Variants in MYO10 observed in about 807,000 individuals in gnomAD.
MYO10 encodes myosin X.
A neutral mutation model predicts 257.3 loss-of-function variants in MYO10; 133 were observed. The ratio of observed to expected loss-of-function variants is 0.52; its 90% CI spans 0.45 to 0.60. MYO10 has a LOEUF of 0.60. Among genes scored for constraint, MYO10 ranks in the 20% least tolerant of loss-of-function variants. MYO10 has a pLI of 0.00. For synonymous variants in MYO10, 1,104 were observed against 1,028.6 expected, an observed-to-expected ratio of 1.07 and a Z score of -1.40; for missense variants, 2,399 against 2,635.7, an observed-to-expected ratio of 0.91 and a Z score of 1.97.
At chr5:16,794,902 C>T in intron 3 of MYO10, 69 bp from the exon 4 acceptor site, 1 of 1,246,604 alleles carries the variant, frequency 8.0e-7, no homozygotes, top group Admixed American at 3.9e-5. Flanking sequence ...TCCAACAAAA[C>T]CCACCGAGTG....
intron 3 of MYO10, among the ~76,000 whole-genome samples, chr5:16,803,903 G>C (rs750532307): frequency 1.3e-5 from 2 of 152,150 alleles, no homozygotes; most frequent in African/African-American, 4.8e-5. Flanking sequence ...CAAAAGGATT[G>C]TTTACACATT....
chr5:16,695,655 T>G (rs527993427), intron 26 of MYO10, among the ~76,000 whole-genome samples: 2 of 150,630 alleles, frequency 1.3e-5, no homozygotes, highest in East Asian at 3.9e-4. Context: ...TATTCCAGAT[T>G]CCCCAACCTG....
chr5:16,890,673 C>G (rs576916985), intron 1 of MYO10, among the ~76,000 whole-genome samples: 1 of 151,450 alleles, frequency 6.6e-6, no homozygotes, highest in African/African-American at 2.4e-5. Flanking sequence ...AACCCTATCT[C>G]CACTAAAAAT....
chr5:16,770,478 T>C (rs1741013829), intron 9 of MYO10, among the ~76,000 whole-genome samples: 1 of 152,070 alleles, frequency 6.6e-6, no homozygotes, highest in Admixed American at 6.6e-5. Context: ...AAGCCAGGTG[T>C]TTTCTGAATC....
chr5:16,877,769 T>C (rs1744648342), intron 1 of MYO10, 62 bp from the exon 2 acceptor site: 2 of 1,289,904 alleles, frequency 1.6e-6, no homozygotes, highest in African/African-American at 1.5e-5. Flanking sequence ...GAAACTGTAC[T>C]GTCGAAATTA....
intron 35 of MYO10, 139 bp downstream of exon 35, chr5:16,674,714 A>C: frequency 3.1e-6 from 3 of 958,060 alleles, no homozygotes; most frequent in Non-Finnish European, 4.7e-6. Flanking sequence ...TGCTCAGGCA[A>C]CCCACAAGTC....
intron 5 of MYO10, 88 bp from the exon 6 acceptor site, chr5:16,781,917 A>G (rs2126669845): frequency 6.8e-7 from 1 of 1,473,456 alleles, no homozygotes; most frequent in Non-Finnish European, 9.2e-7. Flanking sequence ...CAAAATATAC[A>G]ACTGCAAGAA....
chr5:16,692,170 C>T (rs2126525660), intron 27 of MYO10, among the ~76,000 whole-genome samples: 1 of 152,304 alleles, frequency 6.6e-6, no homozygotes, highest in South Asian at 2.1e-4. Flanking sequence ...CCTGTAATCC[C>T]AGCACTTTGG....
intron 4 of MYO10, among the ~76,000 whole-genome samples, chr5:16,792,377 T>A (rs545204095): frequency 6.6e-6 from 1 of 152,306 alleles, no homozygotes; most frequent in East Asian, 1.9e-4. Context: ...GGGGTTTCAA[T>A]GTGCCGATGC....
At chr5:16,846,087 G>A (rs1743628194) in intron 2 of MYO10, among the ~76,000 whole-genome samples, 1 of 152,154 alleles carries the variant, frequency 6.6e-6, no homozygotes, top group Non-Finnish European at 1.5e-5. Flanking sequence ...AAAGTTCTGG[G>A]AGCCACAGAA....
Position 16,746,483 on chromosome 5 carries a change from C to G in MYO10, c.1929+8345G>C, listed in dbSNP as rs191413410. Reference sequence around the variant, plus strand: ...CTGACACTACCACCCAAGCAGCCACCATGCTGCGACCAGTGCCTGGATGTG... The same window carrying G: ...CTGACACTACCACCCAAGCAGCCACGATGCTGCGACCAGTGCCTGGATGTG... On this transcript the variant is annotated intron_variant, in intron 19 of 40. Transcript: ENST00000513610. Among the ~76,000 whole-genome samples the G allele has an allele frequency of 1.9e-3, 286 of 152,314 alleles. 1 individual carries two copies. Among genetic ancestry groups the G allele is most frequent in the Admixed American group, 7.1e-3 (109 of 15,298 alleles).
chr5:16,796,279 GA>G (rs1741949842), intron 3 of MYO10, among the ~76,000 whole-genome samples: 2 of 139,206 alleles, frequency 1.4e-5, no homozygotes, highest in Non-Finnish European at 3.1e-5. Context: ...AAGAAGGAAA[GA>G]AAGAAAGAAG....
At position 16,681,373 on chromosome 5, in the gene MYO10, C is replaced by G; in HGVS notation, c.4320G>C (p.Gly1440=). ...AGCAGAGGCTGTTGAGGACCAGGGT[C>G]CCCAGTTTGAGCGCGTTCTTCTCTG... The part of the protein sequence containing the change: ...KSSEKNALKL[G]TLVLNSLCSV... The change falls in exon 32 of 41, where the codon GGG becomes GGC. Residue 1440 remains glycine, a synonymous_variant. Coordinates refer to ENST00000513610, the MANE Select transcript of MYO10 (RefSeq NM_012334.3). The G allele has an allele frequency of 6.2e-7, 1 of 1,613,948 alleles. No individual in the cohort carries two copies. Among genetic ancestry groups the G allele is most frequent in the South Asian group, 1.1e-5 (1 of 91,072 alleles).
intron 9 of MYO10, among the ~76,000 whole-genome samples, chr5:16,778,688 G>GTTTTTTTTTTTTT (rs55880979): frequency 1.9e-5 from 2 of 107,534 alleles, no homozygotes; most frequent in African/African-American, 7.3e-5. Flanking sequence ...CTTTGCTGAG[G>GTTTTTTTTTTTTT]TTTTTTTTTT....
chr5:16,803,395 TC>T (rs1168251196), intron 3 of MYO10, among the ~76,000 whole-genome samples: 2 of 152,000 alleles, frequency 1.3e-5, no homozygotes, highest in African/African-American at 2.4e-5. Flanking sequence ...GCCACCGCAC[TC>T]CAGCCTGACA....
At chr5:16,762,421 G>T in intron 15 of MYO10, 124 bp downstream of exon 15, 2 of 812,298 alleles carry the variant, frequency 2.5e-6, no homozygotes, top group Non-Finnish European at 3.8e-6. Flanking sequence ...AACAGCTTTG[G>T]TTTGAGAATA....
In MYO10 at chr5:16,671,452, G is replaced by A. The variant is rs758132758; in HGVS notation, c.5400C>T (p.Asp1800=). 3.7e-6 allele frequency: 6 copies of A among 1,614,004 alleles called. No homozygotes were observed. In the South Asian group the frequency reaches 6.6e-5, roughly 18 times the overall value. The change falls in exon 38 of 41, where the codon GAC becomes GAT. Residue 1800 remains aspartate, a synonymous_variant. Transcript: ENST00000513610. ...CFLDTDNVPK[D]SVEFAFMFEQ... ...CAAACATAAATGCAAACTCCACACTGTCTTTTGGCACGTTGTCTGTGTCCA... is the reference window on the plus strand; with the variant it reads ...CAAACATAAATGCAAACTCCACACTATCTTTTGGCACGTTGTCTGTGTCCA...
intron 1 of MYO10, among the ~76,000 whole-genome samples, chr5:16,911,081 T>C (rs560032081): frequency 2.6e-5 from 4 of 152,204 alleles, no homozygotes; most frequent in African/African-American, 9.6e-5. Flanking sequence ...GCCAAGAGGA[T>C]CACTTGAGGC....
intron 9 of MYO10, 110 bp downstream of exon 9, chr5:16,779,435 A>C: frequency 3.2e-6 from 2 of 622,704 alleles, no homozygotes; most frequent in South Asian, 5.1e-5. Flanking sequence ...GTCCAAATGG[A>C]ATTACTTCTA....
Sources: gnomAD v4.1 joint callset for allele counts (sites outside exome capture counted in the v4.1 genomes callset) on GRCh38, gnomAD v4.1.1 for gene constraint, MANE v1.5 for transcripts, NCBI Gene and HGNC (gene_info 2026-07-23, HGNC 2026-07-21) for gene names.